NME7: variants seen among roughly 807,000 people sequenced by gnomAD.
The protein encoded by NME7 is nucleoside diphosphate kinase 7.
Under a neutral mutation model 49.1 loss-of-function variants are expected in NME7, and 41 were observed. The observed-to-expected ratio is 0.83, with a 90% CI of 0.65 to 1.08. The LOEUF is 1.08. Among genes scored for constraint, NME7 ranks in the 50% least tolerant of loss-of-function variants. NME7 has a pLI of 0.00. For synonymous variants in NME7, 139 were observed against 150.6 expected (o/e 0.92, Z 0.56); for missense variants, 423 against 463.4 (o/e 0.91, Z 0.80).
chr1:169,154,382 TA>T, intron 11 of NME7, among the ~76,000 whole-genome samples: 1 of 152,308 alleles, frequency 6.6e-6, no homozygotes, highest in Admixed American at 6.5e-5. Context: ...GAATGAAATT[TA>T]AATAAAATAA....
chr1:169,328,392 G>C (rs1334432515), intron 1 of NME7, among the ~76,000 whole-genome samples: 2 of 152,148 alleles, frequency 1.3e-5, no homozygotes, highest in Non-Finnish European at 2.9e-5. Flanking sequence ...AAGCGATGAT[G>C]GTGGCTTATA....
intron 3 of NME7, among the ~76,000 whole-genome samples, chr1:169,320,056 C>T (rs892926191): frequency 6.6e-6 from 1 of 152,150 alleles, no homozygotes; most frequent in East Asian, 1.9e-4. Context: ...ATCATTCATA[C>T]ACATGCATAC....
intron 10 of NME7, among the ~76,000 whole-genome samples, chr1:169,202,172 C>A (rs1445497382): frequency 2.6e-5 from 4 of 152,070 alleles, no homozygotes; most frequent in Admixed American, 2.6e-4. Context: ...TGTCCCTGCC[C>A]AAATCTCATA....
intron 3 of NME7, among the ~76,000 whole-genome samples, chr1:169,320,513 G>A (rs1025692898): frequency 6.6e-6 from 1 of 152,186 alleles, no homozygotes; most frequent in African/African-American, 2.4e-5. Context: ...ATACAAAACT[G>A]AGAACTAGAC....
chr1:169,291,507 TGG>T (rs1452370003), intron 6 of NME7, among the ~76,000 whole-genome samples: 1 of 151,342 alleles, frequency 6.6e-6, no homozygotes, highest in East Asian at 2.0e-4. Flanking sequence ...TGTTGCGGGG[TGG>T]GGGGCTAGGG....
At chr1:169,202,926 T>C (rs1660586734) in intron 10 of NME7, among the ~76,000 whole-genome samples, 1 of 151,558 alleles carries the variant, frequency 6.6e-6, no homozygotes, top group African/African-American at 2.4e-5. Flanking sequence ...GTATGAAACA[T>C]GTGTCCCATT....
chr1:169,356,916 A>C (rs1653486025), intron 1 of NME7, among the ~76,000 whole-genome samples: 2 of 152,208 alleles, frequency 1.3e-5, no homozygotes, highest in Non-Finnish European at 2.9e-5. Context: ...GCAGAGAAAA[A>C]GCAGTAAAGT....
At chr1:169,138,608 G>A (rs4656178) in intron 11 of NME7, among the ~76,000 whole-genome samples, 45,488 of 151,684 alleles carry the variant, frequency 0.3, 7,844 homozygotes, top group Non-Finnish European at 0.4. Flanking sequence ...AGTCCCAGCC[G>A]CTTGGGAGGC....
chr1:169,341,975 T>C lies in NME7; in HGVS notation c.4-17475A>G, dbSNP rs145197797. 7.2e-5 allele frequency among the ~76,000 whole-genome samples: 11 copies of C among 152,310 alleles called. No individual in the cohort carries two copies. The East Asian group carries it at 1.7e-3, about 24-fold the overall frequency. On this transcript the variant is annotated intron_variant, in intron 1 of 11. Coordinates refer to ENST00000367811, the MANE Select transcript of NME7 (RefSeq NM_013330.5). ...ACTTGCCTTGTCTCAGATGAGACTT[T>C]GGACTTGGACTCTTGAGCTAATGCT...
chr1:169,350,343 CAGAG>C (rs1653119478), intron 1 of NME7, among the ~76,000 whole-genome samples: 1 of 151,972 alleles, frequency 6.6e-6, no homozygotes, highest in Non-Finnish European at 1.5e-5. Flanking sequence ...AGTCCCAACT[CAGAG>C]AGCCAGACAG....
intron 1 of NME7, among the ~76,000 whole-genome samples, chr1:169,330,521 A>G (rs575966952): frequency 6.6e-6 from 1 of 152,054 alleles, no homozygotes; most frequent in African/African-American, 2.4e-5. Flanking sequence ...TCTACTAAAA[A>G]TACAAAAATT....
intron 3 of NME7, among the ~76,000 whole-genome samples, chr1:169,312,489 C>T (rs954401729): frequency 6.6e-6 from 1 of 152,148 alleles, no homozygotes; most frequent in African/African-American, 2.4e-5. Flanking sequence ...GTGAGATATT[C>T]TCAAAAGAAA....
chr1:169,313,144 A>T (rs577803535), intron 3 of NME7, among the ~76,000 whole-genome samples: 137 of 152,126 alleles, frequency 9.0e-4, no homozygotes, highest in African/African-American at 3.1e-3. Flanking sequence ...TGATATTTTT[A>T]AAAAATCTTT....
At chr1:169,340,776 C>T (rs538246707) in intron 1 of NME7, among the ~76,000 whole-genome samples, 6 of 152,302 alleles carry the variant, frequency 3.9e-5, no homozygotes, top group Admixed American at 3.9e-4. Flanking sequence ...CGGCATTTTG[C>T]CTCTGCCTTA....
chr1:169,169,254 T>A (rs1265553957), intron 11 of NME7, among the ~76,000 whole-genome samples, 193 bp downstream of exon 11: 2 of 151,986 alleles, frequency 1.3e-5, no homozygotes, highest in East Asian at 3.9e-4. Context: ...ATACCTAATG[T>A]AGGTGATGGG....
chr1:169,273,634 C>A (rs1649578638), intron 7 of NME7, among the ~76,000 whole-genome samples: 1 of 128,870 alleles, frequency 7.8e-6, no homozygotes, highest in Non-Finnish European at 1.8e-5. Flanking sequence ...ACAACAGTCC[C>A]CAGAGTGTGA....
intron 7 of NME7, among the ~76,000 whole-genome samples, chr1:169,267,754 T>C (rs1475437468): frequency 7.5e-6 from 1 of 133,566 alleles, no homozygotes; most frequent in Non-Finnish European, 1.8e-5. Flanking sequence ...CCTTACACCA[T>C]ATACAAAAAT....
intron 7 of NME7, among the ~76,000 whole-genome samples, chr1:169,243,606 A>G (rs561329518): frequency 5.9e-5 from 9 of 152,304 alleles, no homozygotes; most frequent in African/African-American, 2.2e-4. Flanking sequence ...GTGCCCTTAT[A>G]AAAGAAGCTC....
chr1:169,300,242 T>C (rs1177593387), intron 5 of NME7, among the ~76,000 whole-genome samples: 1 of 152,128 alleles, frequency 6.6e-6, no homozygotes, highest in Non-Finnish European at 1.5e-5. Context: ...GCTATAAACA[T>C]ATACAAAGTT....
Sources: gnomAD v4.1 joint callset for allele counts (sites outside exome capture counted in the v4.1 genomes callset) on GRCh38, gnomAD v4.1.1 for gene constraint, MANE v1.5 for transcripts, NCBI Gene and HGNC (gene_info 2026-07-23, HGNC 2026-07-21) for gene names.